The following TCP11L1 variants were observed in gnomAD, a reference collection of about 807,000 sequenced individuals.
TCP11L1 encodes the protein t-complex 11 like 1.
Under a neutral mutation model 48.9 loss-of-function variants are expected in TCP11L1, and 28 were observed. That is an observed-to-expected ratio of 0.57 (90% confidence interval 0.42 to 0.78). The LOEUF is 0.78. Among genes scored for constraint, TCP11L1 ranks in the 30% least tolerant of loss-of-function variants. TCP11L1 has a pLI of 0.00. For missense variants in TCP11L1, 505 were observed against 613.4 expected (o/e 0.82, Z 1.87); for synonymous variants, 204 against 231.9 (o/e 0.88, Z 1.09).
At chr11:33,068,576 G>A (rs962542628) in intron 8 of TCP11L1, 111 bp from the exon 9 acceptor site, 2 of 1,358,564 alleles carry the variant, frequency 1.5e-6, no homozygotes, top group Admixed American at 1.9e-5. Flanking sequence ...ATTGTCCCTT[G>A]AACACACAAA....
intron 8 of TCP11L1, among the ~76,000 whole-genome samples, chr11:33,067,547 G>T (rs1854652777): frequency 1.3e-5 from 2 of 152,306 alleles, no homozygotes; most frequent in African/African-American, 4.8e-5. Flanking sequence ...TACAGCTCTG[G>T]GCTGTCACCT....
intron 2 of TCP11L1, among the ~76,000 whole-genome samples, chr11:33,050,876 G>A (rs1424368898): frequency 2.0e-5 from 3 of 151,664 alleles, no homozygotes; most frequent in Non-Finnish European, 2.9e-5. Context: ...TGCTGTGGCG[G>A]GGTCATGGCT....
At chr11:33,044,522 A>G (rs1295893140) in intron 2 of TCP11L1, among the ~76,000 whole-genome samples, 2 of 152,228 alleles carry the variant, frequency 1.3e-5, no homozygotes, top group Non-Finnish European at 2.9e-5. Context: ...AAGCATTTTG[A>G]AGTGAGTCCA....
At chr11:33,058,338 A>C (rs574441714) in intron 5 of TCP11L1, among the ~76,000 whole-genome samples, 199 bp downstream of exon 5, 3 of 151,928 alleles carry the variant, frequency 2.0e-5, no homozygotes, top group African/African-American at 7.2e-5. Context: ...AGCTGGGATT[A>C]TAGGCACGCA....
chr11:33,054,733 G>A lies in TCP11L1; in HGVS notation c.296+8G>A, dbSNP rs756613987. ...TGAATTACCAGAAAACAGGTAAGGTGGTTGCTAAATTATCTTGCTTAGTAG... is the reference window on the plus strand; with the variant it reads ...TGAATTACCAGAAAACAGGTAAGGTAGTTGCTAAATTATCTTGCTTAGTAG... On this transcript the variant is annotated splice_region_variant and intron_variant, in intron 3 of 9. Coordinates refer to ENST00000334274, the MANE Select transcript of TCP11L1 (RefSeq NM_018393.4). The A allele has an allele frequency of 1.9e-6, 3 of 1,609,528 alleles. No individual in the cohort carries two copies. The highest frequency in any genetic ancestry group is 1.1e-5 in the South Asian group (1 of 90,042).
chr11:33,045,582 G>A (rs999526165), intron 2 of TCP11L1, among the ~76,000 whole-genome samples: 5 of 152,150 alleles, frequency 3.3e-5, no homozygotes, highest in Non-Finnish European at 5.9e-5. Flanking sequence ...GATGTATATG[G>A]CTAACATGAT....
At chr11:33,057,790 A>T in intron 4 of TCP11L1, 129 bp from the exon 5 acceptor site, 1 of 776,766 alleles carries the variant, frequency 1.3e-6, no homozygotes, top group Non-Finnish European at 1.9e-6. Flanking sequence ...AGGTTTGTTG[A>T]ATAAGAAGTA....
intron 2 of TCP11L1, 102 bp downstream of exon 2, chr11:33,044,038 A>G: frequency 5.9e-6 from 7 of 1,189,108 alleles, no homozygotes; most frequent in Admixed American, 2.7e-5. Flanking sequence ...AGGTTCTAAT[A>G]ATATAACATT....
intron 7 of TCP11L1, 43 bp from the exon 8 acceptor site, chr11:33,065,787 C>T: frequency 6.3e-7 from 1 of 1,590,386 alleles, no homozygotes; most frequent in Non-Finnish European, 8.6e-7. Flanking sequence ...TGCTGGCCAA[C>T]CTGGACCTGC....
At chr11:33,051,766 C>CTA (rs778428614) in intron 2 of TCP11L1, among the ~76,000 whole-genome samples, 15 of 152,196 alleles carry the variant, frequency 9.9e-5, no homozygotes, top group South Asian at 4.2e-4. Context: ...TGTTGACCAC[C>CTA]TATATATATA....
intron 2 of TCP11L1, among the ~76,000 whole-genome samples, chr11:33,047,504 A>T (rs1854034488): frequency 6.6e-6 from 1 of 152,260 alleles, no homozygotes; most frequent in South Asian, 2.1e-4. Flanking sequence ...GATGACAAAC[A>T]TCAATTGTTA....
At chr11:33,069,093 T>C (rs557920392) in intron 9 of TCP11L1, among the ~76,000 whole-genome samples, 1 of 152,268 alleles carries the variant, frequency 6.6e-6, no homozygotes, top group South Asian at 2.1e-4. Context: ...TCACAAGCAG[T>C]GTCCCAGGGC....
Position 33,054,655 on chromosome 11 carries a change from A to G in TCP11L1, c.226A>G (p.Met76Val), listed in dbSNP as rs766930723. ...AGAGACAGCGAGAGGTGTCACCAAC[A>G]TGGCTCTAGCCCATGAAATTGTAGT... ...LLETARGVTN[M>V]ALAHEIVVNG... Residue 76 changes from methionine (M) to valine (V), a missense_variant, in exon 3 of 10, where the codon ATG becomes GTG. Transcript: ENST00000334274. 14 of 1,613,916 alleles carry G rather than the reference A, an allele frequency of 8.7e-6. No individual in the cohort carries two copies. Among genetic ancestry groups the G allele is most frequent in the African/African-American group, 1.3e-5 (1 of 74,936 alleles).
chr11:33,045,516 C>T (rs1280515841), intron 2 of TCP11L1, among the ~76,000 whole-genome samples: 1 of 151,642 alleles, frequency 6.6e-6, no homozygotes, highest in Non-Finnish European at 1.5e-5. Flanking sequence ...ACAAGCCTCT[C>T]TCAAAAAAAT....
In TCP11L1 at chr11:33,054,745, A is replaced by T; in HGVS notation, c.296+20A>T. Reference sequence around the variant, plus strand: ...AAACAGGTAAGGTGGTTGCTAAATTATCTTGCTTAGTAGAACACTGTCATT... The same window carrying T: ...AAACAGGTAAGGTGGTTGCTAAATTTTCTTGCTTAGTAGAACACTGTCATT... On this transcript the variant is annotated intron_variant, in intron 3 of 9. Coordinates refer to ENST00000334274, the MANE Select transcript of TCP11L1 (RefSeq NM_018393.4). The T allele has an allele frequency of 6.2e-7, 1 of 1,609,042 alleles. No homozygotes were observed. The highest frequency in any genetic ancestry group is 8.5e-7 in the Non-Finnish European group (1 of 1,177,856).
chr11:33,040,274 A>G lies in TCP11L1; in HGVS notation c.-25+482A>G, dbSNP rs186993404. 3 of 152,292 alleles carry G rather than the reference A, an allele frequency of 2.0e-5. No homozygotes were observed. In the East Asian group the frequency reaches 5.8e-4, roughly 29 times the overall value. 9.4% of individuals were successfully genotyped at this position (152,292 alleles called of 1,614,324 possible). A position where few individuals can be genotyped will look rare whatever the true frequency, so the allele number is the denominator to read the frequency against. ...TGGGGGTTGAATGGATGCGCGCGATATAAGCAAATTAAATGGTTCGTGGCC... is the reference window on the plus strand; with the variant it reads ...TGGGGGTTGAATGGATGCGCGCGATGTAAGCAAATTAAATGGTTCGTGGCC... On this transcript the variant is annotated intron_variant, in intron 1 of 9. Coordinates refer to ENST00000334274, the MANE Select transcript of TCP11L1 (RefSeq NM_018393.4).
At chr11:33,059,919 C>G (rs1352736718) in intron 6 of TCP11L1, among the ~76,000 whole-genome samples, 1 of 152,096 alleles carries the variant, frequency 6.6e-6, no homozygotes, top group African/African-American at 2.4e-5. Flanking sequence ...AGGCTTGTGC[C>G]AAGGGCTGGA....
intron 7 of TCP11L1, among the ~76,000 whole-genome samples, chr11:33,061,973 T>A (rs1854480744): frequency 6.6e-6 from 1 of 152,024 alleles, no homozygotes; most frequent in Non-Finnish European, 1.5e-5. Flanking sequence ...CCCCAGCTAC[T>A]TGGGAGGCTG....
intron 2 of TCP11L1, among the ~76,000 whole-genome samples, chr11:33,044,828 A>C (rs1853941588): frequency 6.6e-6 from 1 of 152,210 alleles, no homozygotes; most frequent in African/African-American, 2.4e-5. Flanking sequence ...TGTTGTTGCT[A>C]GCACAGTCTA....
Sources: allele counts gnomAD v4.1 joint callset (sites outside exome capture counted in the v4.1 genomes callset), GRCh38; gene constraint gnomAD v4.1.1; transcripts MANE v1.5; gene names NCBI Gene and HGNC (gene_info 2026-07-23, HGNC 2026-07-21).